PKD1L1: variants seen among roughly 807,000 people sequenced by gnomAD.
PKD1L1 encodes the protein polycystin-1-like protein 1.
PKD1L1 carries 236 observed loss-of-function variants against 323.4 expected under a neutral mutation model. That is an observed-to-expected ratio of 0.73 (90% CI 0.66 to 0.81). The LOEUF (loss-of-function observed/expected upper bound fraction) is 0.81, where lower values mean the gene tolerates loss of function less well. Ranked by LOEUF, PKD1L1 falls within the 40% of genes least tolerant of loss-of-function variation. PKD1L1 has a pLI of 0.00. For missense variants in PKD1L1, 3,320 were observed against 3,508.0 expected (o/e 0.95, Z 1.35); for synonymous variants, 1,344 against 1,335.0 (o/e 1.01, Z -0.15).
chr7:47,847,435 A>G (rs1342981749), intron 31 of PKD1L1, among the ~76,000 whole-genome samples: 1 of 152,206 alleles, frequency 6.6e-6, no homozygotes, highest in African/African-American at 2.4e-5. Context: ...CTGCCATTCA[A>G]GCCCACTTCC....
rs374130320 is a variant in PKD1L1, at chr7:47,877,485, G to A, written c.3663+4C>T. ...TCAGGACAGACATGGGGTTGTCCACGTACCGGTTTTCCAGACATGCAGAAG... is the reference window on the plus strand; with the variant it reads ...TCAGGACAGACATGGGGTTGTCCACATACCGGTTTTCCAGACATGCAGAAG... On this transcript the variant is annotated splice_donor_region_variant and intron_variant, in intron 22 of 56. Transcript: ENST00000289672. The A allele has an allele frequency of 7.4e-6, 12 of 1,613,396 alleles. No homozygotes were observed. Among genetic ancestry groups the A allele is most frequent in the Middle Eastern group, 1.7e-4 (1 of 5,828 alleles).
intron 46 of PKD1L1, among the ~76,000 whole-genome samples, chr7:47,817,550 C>CTA (rs1245980583): frequency 6.6e-6 from 1 of 152,152 alleles, no homozygotes; most frequent in Admixed American, 6.5e-5. Flanking sequence ...AACCAATAAT[C>CTA]TGTATATACT....
upstream of PKD1L1, among the ~76,000 whole-genome samples, chr7:47,953,389 T>C (rs2686831): frequency 0.46 from 69,860 of 152,002 alleles, 16,795 homozygotes; most frequent in East Asian, 0.53. Context: ...TTATTTGATA[T>C]AGACAACTGG....
At chr7:47,897,351 G>A (rs1232095186) in intron 14 of PKD1L1, among the ~76,000 whole-genome samples, 2 of 152,204 alleles carry the variant, frequency 1.3e-5, no homozygotes, top group Non-Finnish European at 2.9e-5. Flanking sequence ...CCTGCCCACT[G>A]TGCAATTTGT....
At chr7:47,910,560 G>A (rs578138116) in intron 8 of PKD1L1, among the ~76,000 whole-genome samples, 19 of 152,052 alleles carry the variant, frequency 1.2e-4, no homozygotes, top group South Asian at 4.1e-4. Context: ...GGATGGTCTC[G>A]ATCTCCCAAC....
chr7:47,930,740 G>A (rs542036210), intron 6 of PKD1L1, among the ~76,000 whole-genome samples: 282 of 149,952 alleles, frequency 1.9e-3, no homozygotes, highest in Non-Finnish European at 2.7e-4. Context: ...GCTTGAACCC[G>A]GGAGGCGGAG....
intron 56 of PKD1L1, among the ~76,000 whole-genome samples, chr7:47,778,614 C>T (rs1786622322): frequency 6.6e-6 from 1 of 152,112 alleles, no homozygotes; most frequent in Admixed American, 6.6e-5. Context: ...TTACCAACTT[C>T]CAGTGTGCTT....
At chr7:47,850,394 C>T (rs745605112) in intron 31 of PKD1L1, among the ~76,000 whole-genome samples, 52 of 151,968 alleles carry the variant, frequency 3.4e-4, no homozygotes, top group African/African-American at 9.2e-4. Flanking sequence ...CACTTTGGGA[C>T]GCCAAGGAGG....
At chr7:47,838,588 T>A (rs2128737330) in intron 36 of PKD1L1, among the ~76,000 whole-genome samples, 1 of 152,240 alleles carries the variant, frequency 6.6e-6, no homozygotes, top group South Asian at 2.1e-4. Context: ...AATAAGAAAG[T>A]GCAAAATGCA....
chr7:47,829,338 AT>A, intron 44 of PKD1L1, 86 bp downstream of exon 44: 1 of 1,327,638 alleles, frequency 7.5e-7, no homozygotes, highest in Non-Finnish European at 1.0e-6. Flanking sequence ...CCCAATCTGA[AT>A]TCAAAGCCTA....
chr7:47,822,347 T>A (rs1583596263), intron 45 of PKD1L1, among the ~76,000 whole-genome samples: 1 of 152,106 alleles, frequency 6.6e-6, no homozygotes. Flanking sequence ...TCCCAGCACT[T>A]TGGGAGGCCA....
rs1345851504 is a variant in PKD1L1 at position 47,833,400 on chromosome 7, G to A, written c.6175-148C>T. 6.8e-6 allele frequency: 6 copies of A among 877,874 alleles called. No individual in the cohort carries two copies. In the Admixed American group the frequency reaches 1.7e-4, roughly 24 times the overall value. The allele number at this position is 877,874 out of a possible 1,614,324, so 54.4% of individuals were successfully genotyped here. The stretch of plus-strand genomic sequence containing the variant: ...GCTGAGGCCTCTAAAGACTTCTGAG[G>A]GAGGAAGCACAGGCAGCCTGGGAGC... On this transcript the variant is annotated intron_variant, in intron 40 of 56. Coordinates refer to ENST00000289672, the MANE Select transcript of PKD1L1 (RefSeq NM_138295.5).
At chr7:47,887,875 AG>A (rs1490994399) in intron 17 of PKD1L1, 114 bp downstream of exon 17, 2 of 1,043,340 alleles carry the variant, frequency 1.9e-6, no homozygotes, top group Admixed American at 2.5e-5. Context: ...ACCGTTCACC[AG>A]GCAGATCAGA....
chr7:47,851,355 T>C (rs1785779093), intron 31 of PKD1L1, among the ~76,000 whole-genome samples: 2 of 152,186 alleles, frequency 1.3e-5, no homozygotes, highest in Non-Finnish European at 2.9e-5. Flanking sequence ...ACTGGAATAA[T>C]TTGTGCATCA....
chr7:47,957,249 C>A, the PKD1L1 span: 2 of 156,854 alleles, frequency 1.3e-5, no homozygotes, highest in South Asian at 1.8e-4. Flanking sequence ...GAAAAGAGTT[C>A]ATCAACATTG....
At position 47,876,218 on chromosome 7, in the gene PKD1L1, C is replaced by G. The variant is rs1163405078; in HGVS notation, c.3664-1G>C. 1 of 1,613,556 alleles carries G rather than the reference C, an allele frequency of 6.2e-7. No individual in the cohort carries two copies. The highest frequency in any genetic ancestry group is 8.5e-7 in the Non-Finnish European group (1 of 1,179,742). On this transcript the variant is annotated splice_acceptor_variant, in intron 22 of 56. Coordinates refer to ENST00000289672, the MANE Select transcript of PKD1L1 (RefSeq NM_138295.5). LOFTEE classifies it high-confidence loss of function. The stretch of plus-strand genomic sequence containing the variant: ...GGTAACTAAATTCATAATGGAAGTC[C>G]TATGATCCAGTCCAAGGGAGCAAAA...
chr7:47,837,393 C>A (rs1198946402), intron 36 of PKD1L1, among the ~76,000 whole-genome samples: 1 of 152,146 alleles, frequency 6.6e-6, no homozygotes, highest in Non-Finnish European at 1.5e-5. Flanking sequence ...TCTTGGCAGC[C>A]CCCTTGCTAC....
At chr7:47,776,474 T>C (rs1036581919) in intron 56 of PKD1L1, among the ~76,000 whole-genome samples, 16 of 152,220 alleles carry the variant, frequency 1.1e-4, no homozygotes, top group Non-Finnish European at 4.4e-5. Flanking sequence ...TGCACCCTGA[T>C]TTGCTCCAGC....
chr7:47,910,588 T>C (rs1231218586), intron 8 of PKD1L1, among the ~76,000 whole-genome samples: 1 of 152,062 alleles, frequency 6.6e-6, no homozygotes, highest in African/African-American at 2.4e-5. Context: ...TCCACTCTCC[T>C]TGGCCTCCCA....
Sources: allele counts gnomAD v4.1 joint callset (sites outside exome capture counted in the v4.1 genomes callset), GRCh38; gene constraint gnomAD v4.1.1; transcripts MANE v1.5; gene names NCBI Gene and HGNC (gene_info 2026-07-23, HGNC 2026-07-21).